MYO1E: variants seen among roughly 807,000 people sequenced by gnomAD.
The protein encoded by MYO1E is myosin IE, also known as unconventional myosin-Ie.
A neutral mutation model predicts 151.1 loss-of-function variants in MYO1E; 68 were observed. That is an observed-to-expected ratio of 0.45 (90% CI 0.37 to 0.55). MYO1E has a LOEUF of 0.55. Ranked by LOEUF, MYO1E falls within the 20% of genes least tolerant of loss-of-function variation. MYO1E has a pLI of 0.00. For synonymous variants in MYO1E, 601 were observed against 501.7 expected, an observed-to-expected ratio of 1.20 and a Z score of -2.64; for missense variants, 1,363 against 1,389.3, an observed-to-expected ratio of 0.98 and a Z score of 0.30.
At chr15:59,233,550 G>A (rs2140355951) in intron 5 of MYO1E, among the ~76,000 whole-genome samples, 1 of 150,792 alleles carries the variant, frequency 6.6e-6, no homozygotes, top group African/African-American at 2.4e-5. Flanking sequence ...TGTAGTCCCA[G>A]CTACTCGGGA....
intron 1 of MYO1E, among the ~76,000 whole-genome samples, chr15:59,283,526 C>T (rs1473943026): frequency 1.3e-5 from 2 of 152,122 alleles, no homozygotes; most frequent in Admixed American, 1.3e-4. Flanking sequence ...ACCATTCTGC[C>T]CCAAGACCTA....
intron 1 of MYO1E, among the ~76,000 whole-genome samples, chr15:59,296,730 T>C (rs2080450419): frequency 6.6e-6 from 1 of 152,160 alleles, no homozygotes; most frequent in African/African-American, 2.4e-5. Context: ...GGTTTTCTGT[T>C]TGTTTTGTGT....
intron 1 of MYO1E, among the ~76,000 whole-genome samples, chr15:59,349,724 T>C (rs1441399555): frequency 4.6e-5 from 7 of 152,348 alleles, no homozygotes; most frequent in Non-Finnish European, 8.8e-5. Flanking sequence ...CTAGGAGATA[T>C]GAAAGTTTGA....
intron 14 of MYO1E, chr15:59,207,808 A>T: frequency 6.2e-7 from 1 of 1,614,204 alleles, no homozygotes; most frequent in Non-Finnish European, 8.5e-7. Context: ...TGCCTATGAG[A>T]TTATTAAAAT....
intron 3 of MYO1E, among the ~76,000 whole-genome samples, chr15:59,259,735 T>C (rs569764996): frequency 6.6e-6 from 1 of 152,376 alleles, no homozygotes; most frequent in South Asian, 2.1e-4. Flanking sequence ...TGTCACTCTA[T>C]ATTTTCCAAA....
Position 59,372,859 on chromosome 15 carries a change from C to G in MYO1E, c.-359G>C. ...CTTCGGCCACTTAATCCGTACTCCT[C>G]TGGCTGAGTCTCGGCTCGGGCCGGG... On this transcript the variant is annotated 5_prime_UTR_variant, in exon 1 of 28. Transcript: ENST00000288235. The G allele has an allele frequency of 2.8e-6, 1 of 355,346 alleles. No individual in the cohort carries two copies. Among genetic ancestry groups the G allele is most frequent in the Non-Finnish European group, 5.1e-6 (1 of 195,326 alleles). The allele number at this position is 355,346 out of a possible 1,614,324, so 22.0% of individuals were successfully genotyped here.
chr15:59,318,190 G>A (rs2080601226), intron 1 of MYO1E, among the ~76,000 whole-genome samples: 1 of 152,276 alleles, frequency 6.6e-6, no homozygotes, highest in African/African-American at 2.4e-5. Flanking sequence ...AATGCCTCTG[G>A]TATACCCAGG....
chr15:59,232,022 C>A (rs2080031428), intron 5 of MYO1E, among the ~76,000 whole-genome samples: 1 of 152,160 alleles, frequency 6.6e-6, no homozygotes, highest in African/African-American at 2.4e-5. Context: ...TCCCCAGGAG[C>A]CAGGGCCCCA....
chr15:59,194,747 G>A (rs2079755648), intron 17 of MYO1E, among the ~76,000 whole-genome samples: 1 of 152,112 alleles, frequency 6.6e-6, no homozygotes, highest in African/African-American at 2.4e-5. Flanking sequence ...TCTCCCAGCG[G>A]GCCACAAAAT....
At chr15:59,331,738 A>G (rs1410685867) in intron 1 of MYO1E, among the ~76,000 whole-genome samples, 1 of 152,238 alleles carries the variant, frequency 6.6e-6, no homozygotes, top group Non-Finnish European at 1.5e-5. Context: ...TAAAAAGTAT[A>G]AATAACTCTG....
chr15:59,265,931 C>T (rs1433218714), intron 2 of MYO1E, among the ~76,000 whole-genome samples: 1 of 151,490 alleles, frequency 6.6e-6, no homozygotes, highest in Admixed American at 6.6e-5. Flanking sequence ...CACACCATTG[C>T]TCTCCAGCTT....
intron 1 of MYO1E, among the ~76,000 whole-genome samples, chr15:59,282,741 G>A (rs190369768): frequency 3.1e-4 from 47 of 150,038 alleles, no homozygotes; most frequent in African/African-American, 6.1e-4. Context: ...GGCTACTCTC[G>A]AGAGCCGGAG....
Position 59,324,292 on chromosome 15 carries a change from T to C in MYO1E, c.3+48206A>G, listed in dbSNP as rs117287730. On this transcript the variant is annotated intron_variant, in intron 1 of 27. Coordinates refer to ENST00000288235, the MANE Select transcript of MYO1E (RefSeq NM_004998.4). ...CAGTCACATCCGTTAAGAGAGAATA[T>C]GTTTTCAAATTAAAAAAAAAGGGAG... is the stretch of plus-strand genomic sequence containing the variant. Among the ~76,000 whole-genome samples, 960 of 152,182 alleles carry C rather than the reference T, an allele frequency of 6.3e-3. 5 individuals are homozygous for C. The highest frequency in any genetic ancestry group is 0.02 in the Middle Eastern group (6 of 294).
At chr15:59,344,792 G>A (rs1367131470) in intron 1 of MYO1E, among the ~76,000 whole-genome samples, 2 of 152,148 alleles carry the variant, frequency 1.3e-5, no homozygotes, top group East Asian at 3.8e-4. Flanking sequence ...AGGCCCACGG[G>A]GAGTGCTGCC....
intron 1 of MYO1E, among the ~76,000 whole-genome samples, chr15:59,341,987 C>T (rs571985577): frequency 5.9e-5 from 9 of 152,300 alleles, no homozygotes; most frequent in African/African-American, 1.7e-4. Context: ...TTTCCACCAA[C>T]GGTGTATGAG....
intron 1 of MYO1E, among the ~76,000 whole-genome samples, chr15:59,302,662 C>T (rs1163315577): frequency 2.6e-5 from 4 of 152,210 alleles, no homozygotes; most frequent in Non-Finnish European, 5.9e-5. Flanking sequence ...CTCTTTTTCT[C>T]TGAATCTCCA....
At chr15:59,240,959 A>T (rs1422702074) in intron 4 of MYO1E, among the ~76,000 whole-genome samples, 5 of 152,250 alleles carry the variant, frequency 3.3e-5, no homozygotes, top group Admixed American at 2.6e-4. Context: ...CTTACAGGGA[A>T]GTCGAGTATA....
At chr15:59,178,158 C>CT (rs2079636503) in intron 19 of MYO1E, among the ~76,000 whole-genome samples, 1 of 152,224 alleles carries the variant, frequency 6.6e-6, no homozygotes, top group Non-Finnish European at 1.5e-5. Flanking sequence ...TCTGATGCCC[C>CT]TTTTTCTACC....
chr15:59,221,980 C>T (rs1326481016), intron 9 of MYO1E, among the ~76,000 whole-genome samples: 2 of 152,162 alleles, frequency 1.3e-5, no homozygotes, highest in Non-Finnish European at 2.9e-5. Flanking sequence ...GGATAATGTA[C>T]ACAAAGTTTA....
Sources: gnomAD v4.1 joint callset for allele counts (sites outside exome capture counted in the v4.1 genomes callset) on GRCh38, gnomAD v4.1.1 for gene constraint, MANE v1.5 for transcripts, NCBI Gene and HGNC (gene_info 2026-07-23, HGNC 2026-07-21) for gene names.